NHLRC3: variants seen among roughly 807,000 people sequenced by gnomAD.
The protein encoded by NHLRC3 is NHL repeat containing 3.
A neutral mutation model predicts 32.0 loss-of-function variants in NHLRC3; 23 were observed. The observed-to-expected ratio is 0.72, with a 90% CI of 0.52 to 1.02. The LOEUF is 1.02. Among genes scored for constraint, NHLRC3 ranks in the 50% least tolerant of loss-of-function variants. The pLI, the probability that NHLRC3 is intolerant of heterozygous loss-of-function variation, is 0.00. For missense variants in NHLRC3, 407 were observed against 406.8 expected, an observed-to-expected ratio of 1.00 and a Z score of -0.01; for synonymous variants, 159 against 147.9, an observed-to-expected ratio of 1.08 and a Z score of -0.55.
At chr13:39,044,232 T>TGG (rs200936290) in intron 5 of NHLRC3, 51 bp downstream of exon 5, 15,292 of 511,548 alleles carry the variant, frequency 0.03, 451 homozygotes, top group African/African-American at 0.089. Flanking sequence ...AATATGTTTG[T>TGG]GTGTGTGTGT....
chr13:39,046,124 T>A (rs1871663590), intron 5 of NHLRC3, among the ~76,000 whole-genome samples: 1 of 152,086 alleles, frequency 6.6e-6, no homozygotes, highest in Non-Finnish European at 1.5e-5. Flanking sequence ...GGTCAGGAGA[T>A]CGAGACCATG....
rs1477965763 is a variant in NHLRC3 at position 39,042,179 on chromosome 13, AAAG to A, written c.461_463del (p.Lys154_Gly155delinsSer). ...TCAAGTCTTGGGTACTCCAGGCAAA[AAAG>A]GCACTAGTTTGAATCCTTTGCAGTT... On this transcript the variant is annotated inframe_deletion, in exon 4 of 7. Transcript: ENST00000379600. The A allele has an allele frequency of 1.2e-6, 2 of 1,612,476 alleles. No homozygotes were observed. The highest frequency in any genetic ancestry group is 1.7e-5 in the Admixed American group (1 of 60,012).
At chr13:39,045,699 G>T (rs1871644043) in intron 5 of NHLRC3, among the ~76,000 whole-genome samples, 1 of 152,112 alleles carries the variant, frequency 6.6e-6, no homozygotes, top group African/African-American at 2.4e-5. Context: ...ATTTGTCTGG[G>T]ATACTAGTCT....
chr13:39,047,259 T>C (rs979750126), intron 6 of NHLRC3, 107 bp downstream of exon 6: 18 of 664,178 alleles, frequency 2.7e-5, no homozygotes, highest in Middle Eastern at 3.1e-4. Context: ...TAATTTTGAA[T>C]TAGGGGAAAA....
intron 3 of NHLRC3, chr13:39,041,096 C>T (rs1871450484): frequency 6.6e-6 from 1 of 152,098 alleles, no homozygotes; most frequent in South Asian, 2.1e-4. Context: ...TTCATTTTTT[C>T]CATTACAGCT....
chr13:39,039,267 T>C lies in NHLRC3; in HGVS notation c.216T>C (p.Asn72=). The C allele has an allele frequency of 6.2e-7, 1 of 1,614,004 alleles. No individual in the cohort carries two copies. The highest frequency in any genetic ancestry group is 8.5e-7 in the Non-Finnish European group (1 of 1,179,866). The part of the protein sequence containing the change: ...TTFCVAVDSL[N]GLVYIGQRGD... ...TTTGTGTTGCAGTTGACTCCCTCAA[T>C]GGATTGGTTTACATAGGTCAAGTAA... The change falls in exon 2 of 7, where the codon AAT becomes AAC. Residue 72 remains asparagine (N), a synonymous_variant. Coordinates refer to ENST00000379600, the MANE Select transcript of NHLRC3 (RefSeq NM_001012754.4).
At position 39,048,033 on chromosome 13, in the gene NHLRC3, C is replaced by G; in HGVS notation, c.*107C>G. ...AATTTATTTTTCTAGTATAAAAGAT[C>G]TAGTATCAGAAAGATTTGTTTTTGT... On this transcript the variant is annotated 3_prime_UTR_variant, in exon 7 of 7. Coordinates refer to ENST00000379600, the MANE Select transcript of NHLRC3 (RefSeq NM_001012754.4). 1 of 917,340 alleles carries G rather than the reference C, an allele frequency of 1.1e-6. No homozygotes were observed. The highest frequency in any genetic ancestry group is 1.8e-5 in the South Asian group (1 of 56,224). The allele number at this position is 917,340 out of a possible 1,614,324, so 56.8% of individuals were successfully genotyped here.
At chr13:39,042,721 T>C (rs1456048988) in intron 4 of NHLRC3, among the ~76,000 whole-genome samples, 1 of 152,242 alleles carries the variant, frequency 6.6e-6, no homozygotes, top group Non-Finnish European at 1.5e-5. Context: ...CTATTATGTA[T>C]TGAAACAATG....
At position 39,039,793 on chromosome 13, in the gene NHLRC3, G is replaced by T. The variant is rs573641963; in HGVS notation, c.385+82G>T. On this transcript the variant is annotated intron_variant, in intron 3 of 6. Transcript: ENST00000379600. ...TCCTTGTTTGTATTGTTTAAAATCA[G>T]AGTTGCTGAATCTAATTGTAATTTC... 3.0e-6 allele frequency: 3 copies of T among 990,642 alleles called. No homozygotes were observed. The African/African-American group carries it at 4.8e-5, about 16-fold the overall frequency. 61.4% of individuals were successfully genotyped at this position (990,642 alleles called of 1,614,324 possible).
At chr13:39,044,205 C>G in intron 5 of NHLRC3, 24 bp downstream of exon 5, 1 of 1,458,256 alleles carries the variant, frequency 6.9e-7, no homozygotes, top group Non-Finnish European at 9.6e-7. Flanking sequence ...GTCATTGTGT[C>G]TGGGACTTTG....
intron 3 of NHLRC3, 200 bp from the exon 4 acceptor site, chr13:39,041,905 A>G: frequency 1.9e-6 from 1 of 526,800 alleles, no homozygotes; most frequent in Admixed American, 3.6e-5. Flanking sequence ...TTTTGGACTA[A>G]TGGAGATTTT....
Position 39,039,238 on chromosome 13 carries a change from A to C in NHLRC3, c.187A>C (p.Thr63Pro). 6.2e-7 allele frequency: 1 copy of C among 1,614,082 alleles called. No individual in the cohort carries two copies. Among genetic ancestry groups the C allele is most frequent in the South Asian group, 1.1e-5 (1 of 91,084 alleles). ...PKHPEYFTGT[T>P]FCVAVDSLNG... ...GCACCCAGAATATTTTACCGGAACAACATTTTGTGTTGCAGTTGACTCCCT... is the reference window on the plus strand; with the variant it reads ...GCACCCAGAATATTTTACCGGAACACCATTTTGTGTTGCAGTTGACTCCCT... The change falls in exon 2 of 7, where the codon ACA (threonine) becomes CCA (proline). Residue 63 changes from threonine to proline, a missense_variant. Thr to Pro is a conservative substitution (Grantham distance 38, BLOSUM62 -1). Coordinates refer to ENST00000379600, the MANE Select transcript of NHLRC3 (RefSeq NM_001012754.4).
intron 6 of NHLRC3, among the ~76,000 whole-genome samples, 170 bp from the exon 7 acceptor site, chr13:39,047,504 T>A (rs1383651306): frequency 1.3e-5 from 2 of 152,228 alleles, no homozygotes; most frequent in Non-Finnish European, 2.9e-5. Context: ...ATCATGGACA[T>A]CTTATTCCTT....
chr13:39,047,728 C>G lies in NHLRC3; in HGVS notation c.846C>G (p.Leu282=). 1.9e-6 allele frequency: 3 copies of G among 1,613,984 alleles called. No homozygotes were observed. The highest frequency in any genetic ancestry group is 1.1e-5 in the South Asian group (1 of 91,072). Residue 282 remains leucine, a synonymous_variant, in exon 7 of 7, where the codon CTC becomes CTG. Coordinates refer to ENST00000379600, the MANE Select transcript of NHLRC3 (RefSeq NM_001012754.4). The stretch of plus-strand genomic sequence containing the variant: ...TGGCCCAGCTGAATCTTAGCAGGCT[C>G]TCAGTCGTAGCAGCACCCCCAGTGG... ...LIVAQLNLSR[L]SVVAAPPVGS...
chr13:39,044,545 TAA>T (rs1248524582), intron 5 of NHLRC3: 3 of 189,844 alleles, frequency 1.6e-5, no homozygotes, highest in African/African-American at 7.0e-5. Context: ...AAAACTCCAC[TAA>T]AAGTGTTTGA....
chr13:39,046,052 G>A (rs1871660473), intron 5 of NHLRC3, among the ~76,000 whole-genome samples: 2 of 152,138 alleles, frequency 1.3e-5, no homozygotes, highest in African/African-American at 4.8e-5. Flanking sequence ...ATTTCCTGCC[G>A]GGTGCGGTGG....
At chr13:39,038,924 T>C in intron 1 of NHLRC3, 2 of 637,660 alleles carry the variant, frequency 3.1e-6, no homozygotes, top group South Asian at 1.9e-5. Flanking sequence ...CTTTCCCAAC[T>C]CTTACTACAT....
intron 1 of NHLRC3, 61 bp downstream of exon 1, chr13:39,038,784 G>T: frequency 7.2e-7 from 1 of 1,382,266 alleles, no homozygotes; most frequent in Non-Finnish European, 1.0e-6. Context: ...GGGAGGCGTC[G>T]CCACGGTCGT....
rs1593549453 is a variant in NHLRC3, at chr13:39,039,674, A to G, written c.348A>G (p.Leu116=). The change falls in exon 3 of 7, where the codon CTA becomes CTG. Residue 116 remains leucine, a synonymous_variant. Transcript: ENST00000379600. The stretch of plus-strand genomic sequence containing the variant: ...ATGGTATATTTGCAGCCAGTACTCT[A>G]TATGAACAATCCGTCTGGATCACGG... ...TPHGIFAAST[L]YEQSVWITDV... 6.2e-7 allele frequency: 1 copy of G among 1,612,866 alleles called. No individual in the cohort carries two copies. The highest frequency in any genetic ancestry group is 1.7e-4 in the Middle Eastern group (1 of 6,058).
Sources: gnomAD v4.1 joint callset for allele counts (sites outside exome capture counted in the v4.1 genomes callset) on GRCh38, gnomAD v4.1.1 for gene constraint, MANE v1.5 for transcripts, NCBI Gene and HGNC (gene_info 2026-07-23, HGNC 2026-07-21) for gene names.